PCDHGA5: variants seen among roughly 807,000 people sequenced by gnomAD.
PCDHGA5 encodes protocadherin gamma-A5.
In PCDHGA5, 36 loss-of-function variants were observed where a neutral mutation model predicts 56.7. That is an observed-to-expected ratio of 0.64 (90% CI 0.49 to 0.84). PCDHGA5 has a LOEUF of 0.84. Ranked by LOEUF, PCDHGA5 falls within the 40% of genes least tolerant of loss-of-function variation. The probability of loss-of-function intolerance (pLI) is 0.00; values close to 1 mark genes in which losing one functional copy is unlikely to be tolerated. For synonymous variants in PCDHGA5, 563 were observed against 520.2 expected, an observed-to-expected ratio of 1.08 and a Z score of -1.12; for missense variants, 1,305 against 1,201.5, an observed-to-expected ratio of 1.09 and a Z score of -1.27.
At chr5:141,380,262 A>G (rs1183031008) in intron 1 of PCDHGA5, among the ~76,000 whole-genome samples, 3 of 152,232 alleles carry the variant, frequency 2.0e-5, no homozygotes, top group African/African-American at 7.2e-5. Flanking sequence ...GGGAAGGAGT[A>G]AAATCTCAGA....
intron 1 of PCDHGA5, chr5:141,370,475 GGCTCTCTCCGAACCGATCC>G: frequency 6.2e-7 from 1 of 1,613,676 alleles, no homozygotes; most frequent in Non-Finnish European, 8.5e-7. Flanking sequence ...TGTTAGACCA[GGCTCTCTCCGAACCGATCC>G]GCTACGCTAT....
Position 141,485,831 on chromosome 5 carries a change from C to T in PCDHGA5, c.2422-8976C>T. 1 of 1,614,080 alleles carries T rather than the reference C, an allele frequency of 6.2e-7. No individual in the cohort carries two copies. The highest frequency in any genetic ancestry group is 8.5e-7 in the Non-Finnish European group (1 of 1,180,026). ...GCTGACTGCTGTCGATGGAGGGAAC[C>T]CGCCGAGATCTGGCACCGCAGAGCT... On this transcript the variant is annotated intron_variant, in intron 1 of 3. Coordinates refer to ENST00000518069, the MANE Select transcript of PCDHGA5 (RefSeq NM_018918.3). This position sits in a 1 kb window ranked among gnomAD's most constrained non-coding sequence, Gnocchi z 5.7.
At chr5:141,494,190 G>GAGAA (rs2099752701) in intron 1 of PCDHGA5, among the ~76,000 whole-genome samples, 1 of 152,186 alleles carries the variant, frequency 6.6e-6, no homozygotes, top group Non-Finnish European at 1.5e-5. Flanking sequence ...CCCGGGACTT[G>GAGAA]GATGCCCCGC....
At chr5:141,496,178 C>T (rs1481326898) in intron 2 of PCDHGA5, among the ~76,000 whole-genome samples, 2 of 152,080 alleles carry the variant, frequency 1.3e-5, no homozygotes, top group Admixed American at 1.3e-4. Flanking sequence ...CCCATCCAAG[C>T]AGCCCCAGCT....
intron 1 of PCDHGA5, chr5:141,409,917 C>G: frequency 6.2e-7 from 1 of 1,613,376 alleles, no homozygotes; most frequent in South Asian, 1.1e-5. Flanking sequence ...CCTGACGGCT[C>G]CGCGTTCTTC....
At chr5:141,509,625 G>T (rs915049847) in intron 3 of PCDHGA5, among the ~76,000 whole-genome samples, 1 of 152,186 alleles carries the variant, frequency 6.6e-6, no homozygotes, top group Non-Finnish European at 1.5e-5. Flanking sequence ...AAGTTCCTGG[G>T]TGATGCTGAG....
intron 1 of PCDHGA5, among the ~76,000 whole-genome samples, chr5:141,437,929 G>A (rs1479763331): frequency 6.6e-6 from 1 of 151,960 alleles, no homozygotes; most frequent in East Asian, 1.9e-4. Context: ...GTAGAGATGG[G>A]GTTTCACCAT....
At chr5:141,394,596 G>A (rs1485546922) in intron 1 of PCDHGA5, 2 of 1,613,702 alleles carry the variant, frequency 1.2e-6, no homozygotes, top group Non-Finnish European at 1.7e-6. Flanking sequence ...GGTGGCGGTG[G>A]ACAGAGACTC....
chr5:141,446,821 T>C lies in PCDHGA5; in HGVS notation c.2422-47986T>C, dbSNP rs183143971. ...CATTGTGATCATCTAGTCAGATGGG[T>C]AGATCCTTATAAGGCTGAGCATAAT... On this transcript the variant is annotated intron_variant, in intron 1 of 3. Coordinates refer to ENST00000518069, the MANE Select transcript of PCDHGA5 (RefSeq NM_018918.3). 1.6e-3 allele frequency among the ~76,000 whole-genome samples: 244 copies of C among 152,302 alleles called. 2 individuals carry two copies. The highest frequency in any genetic ancestry group is 5.4e-3 in the African/African-American group (223 of 41,572).
At chr5:141,383,933 C>T (rs963043498) in intron 1 of PCDHGA5, 3 of 1,613,844 alleles carry the variant, frequency 1.9e-6, no homozygotes, top group East Asian at 2.2e-5. Context: ...GATAATGCTC[C>T]AGAAGTGACT....
intron 1 of PCDHGA5, chr5:141,388,504 C>T: frequency 1.2e-6 from 2 of 1,613,808 alleles, no homozygotes; most frequent in Non-Finnish European, 1.7e-6. Context: ...AAGCAGAAAT[C>T]CTACCACTTG....
intron 1 of PCDHGA5, chr5:141,374,228 G>T (rs776875063): frequency 6.2e-7 from 1 of 1,613,990 alleles, no homozygotes; most frequent in Non-Finnish European, 8.5e-7. Flanking sequence ...AGGCAACATC[G>T]TCAAGGATCT....
At chr5:141,454,019 A>G (rs905033407) in intron 1 of PCDHGA5, among the ~76,000 whole-genome samples, 1 of 152,262 alleles carries the variant, frequency 6.6e-6, no homozygotes, top group African/African-American at 2.4e-5. Flanking sequence ...AGAAAAATGT[A>G]TTAAGAATTG....
intron 1 of PCDHGA5, chr5:141,403,123 G>A: frequency 6.2e-7 from 1 of 1,614,066 alleles, no homozygotes; most frequent in Non-Finnish European, 8.5e-7. Context: ...TGGAGCCCCG[G>A]GAGCTGGCGG....
In PCDHGA5 at chr5:141,432,139, T is replaced by A. The variant is rs950514553; in HGVS notation, c.2422-62668T>A. ...TCCCTCAGGCCTCCTATTCCGCTTA[T>A]ATCCCAGAGAACAATCCCAGAGGAG... is the stretch of plus-strand genomic sequence containing the variant. On this transcript the variant is annotated intron_variant, in intron 1 of 3. Transcript: ENST00000518069. The surrounding 1 kb of genome is among the most constrained non-coding windows in gnomAD (Gnocchi z 6.0). The A allele has an allele frequency of 6.8e-6, 11 of 1,613,976 alleles. No individual in the cohort carries two copies. Among genetic ancestry groups the A allele is most frequent in the Non-Finnish European group, 9.3e-6 (11 of 1,180,032 alleles).
intron 1 of PCDHGA5, chr5:141,371,616 G>A: frequency 6.2e-7 from 1 of 1,614,012 alleles, no homozygotes; most frequent in Non-Finnish European, 8.5e-7. Flanking sequence ...GGTGACAGAT[G>A]GAGCCCTGGA....
chr5:141,422,762 C>A (rs745320796), intron 1 of PCDHGA5: 1 of 1,613,392 alleles, frequency 6.2e-7, no homozygotes, highest in Admixed American at 1.7e-5. Context: ...AACTCCAACA[C>A]TGGTGTTCTC....
chr5:141,478,927 C>T (rs2154577116), intron 1 of PCDHGA5: 2 of 690,162 alleles, frequency 2.9e-6, no homozygotes, highest in East Asian at 6.0e-5. Flanking sequence ...TAACCAGTGG[C>T]AGCTTCTAGG....
intron 1 of PCDHGA5, chr5:141,400,004 G>T (rs750835037): frequency 2.5e-6 from 4 of 1,612,420 alleles, no homozygotes; most frequent in East Asian, 2.2e-5. Flanking sequence ...CGCACAGCGC[G>T]TGCCTTGGGC....
Sources: gnomAD v4.1 joint callset for allele counts (sites outside exome capture counted in the v4.1 genomes callset) on GRCh38, gnomAD v4.1.1 for gene constraint, Gnocchi (gnomAD v3.1) non-coding constraint, MANE v1.5 for transcripts, NCBI Gene and HGNC (gene_info 2026-07-23, HGNC 2026-07-21) for gene names.